Variants in PROX1 observed in about 807,000 individuals in gnomAD.
The protein encoded by PROX1 is prospero homeobox protein 1.
Under a neutral mutation model 58.8 loss-of-function variants are expected in PROX1, and 7 were observed. The ratio of observed to expected loss-of-function variants is 0.12; its 90% CI spans 0.07 to 0.22. PROX1 has a LOEUF of 0.22. PROX1 is among the 10% of genes least tolerant of loss of function. The pLI is 1.00. For synonymous variants in PROX1, 350 were observed against 358.3 expected (o/e 0.98, Z 0.26); for missense variants, 675 against 927.8 (o/e 0.73, Z 3.54).
At chr1:214,003,605 T>A (rs1663602159) in intron 2 of PROX1, among the ~76,000 whole-genome samples, 1 of 152,156 alleles carries the variant, frequency 6.6e-6, no homozygotes, top group South Asian at 2.1e-4. Context: ...AAAATCAAAA[T>A]TTCTTTCTTT....
At chr1:213,989,547 CAGGAGAGGTGAG>C (rs1000706044) in intron 1 of PROX1, among the ~76,000 whole-genome samples, 47 of 151,090 alleles carry the variant, frequency 3.1e-4, no homozygotes, top group African/African-American at 1.1e-3. Flanking sequence ...GGAGGGAGGA[CAGGAGAGGTGAG>C]AGTAATTGTT....
chr1:214,013,632 C>T lies in PROX1; in HGVS notation c.2028+1917C>T, dbSNP rs139106575. 3.4e-3 allele frequency among the ~76,000 whole-genome samples: 515 copies of T among 152,242 alleles called. 4 individuals are homozygous for T. The highest frequency in any genetic ancestry group is 0.012 in the African/African-American group (479 of 41,534). The stretch of plus-strand genomic sequence containing the variant: ...TAATCCGCTACCCACAGGCCAGGGG[C>T]CAAAATGACACAAACAGGGGATGGC... On this transcript the variant is annotated intron_variant, in intron 4 of 4. Coordinates refer to ENST00000366958, the MANE Select transcript of PROX1 (RefSeq NM_001270616.2).
intron 2 of PROX1, among the ~76,000 whole-genome samples, chr1:214,003,702 T>C (rs940115027): frequency 6.6e-6 from 1 of 152,234 alleles, no homozygotes; most frequent in Non-Finnish European, 1.5e-5. Flanking sequence ...GGTGATCTTT[T>C]TAAAATTGCA....
upstream of PROX1, chr1:213,984,712 T>G (rs1428415641): frequency 6.5e-6 from 1 of 153,692 alleles, no homozygotes; most frequent in Non-Finnish European, 1.5e-5. Flanking sequence ...TTCTTCAGGG[T>G]GCTGATAGTG....
intron 4 of PROX1, among the ~76,000 whole-genome samples, chr1:214,025,610 C>A (rs1357529171): frequency 6.6e-6 from 1 of 151,534 alleles, no homozygotes; most frequent in African/African-American, 2.4e-5. Flanking sequence ...TTCTGTGGGA[C>A]ATGAACTCTC....
At chr1:214,030,772 C>T (rs72753602) in intron 4 of PROX1, 18,140 of 152,184 alleles carry the variant, frequency 0.12, 1,338 homozygotes, top group East Asian at 0.17. Flanking sequence ...TTTGGGCCAG[C>T]GAGCACACTT....
intron 2 of PROX1, among the ~76,000 whole-genome samples, chr1:214,004,448 A>G (rs1373489446): frequency 6.6e-6 from 1 of 152,210 alleles, no homozygotes; most frequent in Non-Finnish European, 1.5e-5. Flanking sequence ...CGTCACTCTC[A>G]AAGGAGTTAA....
At chr1:213,990,285 CTG>C (rs565935400) in intron 1 of PROX1, among the ~76,000 whole-genome samples, 3 of 151,690 alleles carry the variant, frequency 2.0e-5, no homozygotes, top group East Asian at 3.9e-4. Context: ...TCCTCTGTGT[CTG>C]TGTGTGTCTG....
At chr1:214,019,876 T>A (rs1309454177) in intron 4 of PROX1, among the ~76,000 whole-genome samples, 1 of 152,200 alleles carries the variant, frequency 6.6e-6, no homozygotes, top group African/African-American at 2.4e-5. Flanking sequence ...TAGCTGATGA[T>A]CATGTATTCA....
chr1:214,006,315 A>G (rs938039782), intron 3 of PROX1, among the ~76,000 whole-genome samples: 1 of 151,826 alleles, frequency 6.6e-6, no homozygotes. Flanking sequence ...TTGCAGGCCA[A>G]CTCATTTCAG....
intron 4 of PROX1, among the ~76,000 whole-genome samples, chr1:214,021,899 C>A (rs1053377414): frequency 6.6e-6 from 1 of 152,184 alleles, no homozygotes; most frequent in African/African-American, 2.4e-5. Flanking sequence ...AGATCAAGCA[C>A]TGGGGTATTT....
At chr1:214,002,310 C>T (rs1400535007) in intron 2 of PROX1, among the ~76,000 whole-genome samples, 2 of 152,156 alleles carry the variant, frequency 1.3e-5, no homozygotes, top group South Asian at 2.1e-4. Context: ...CACTGCTTTA[C>T]GTTCAGCTGC....
intron 1 of PROX1, among the ~76,000 whole-genome samples, chr1:213,992,481 C>T (rs556300721): frequency 1.3e-5 from 2 of 152,160 alleles, no homozygotes; most frequent in African/African-American, 2.4e-5. Context: ...GATTTTTCCC[C>T]TTTGAATCAC....
intron 1 of PROX1, among the ~76,000 whole-genome samples, chr1:213,995,199 A>AG (rs1553287466): frequency 6.6e-6 from 1 of 151,850 alleles, no homozygotes; most frequent in African/African-American, 2.4e-5. Flanking sequence ...CGTGAAAAAA[A>AG]TTTTCATTTT....
At chr1:213,994,575 C>T (rs1663172618) in intron 1 of PROX1, among the ~76,000 whole-genome samples, 1 of 151,466 alleles carries the variant, frequency 6.6e-6, no homozygotes, top group Admixed American at 6.6e-5. Flanking sequence ...TAGTATTTGT[C>T]ACTGCATTTT....
At chr1:213,985,549 C>G (rs1204516256), upstream of PROX1, 1 of 152,252 alleles carries the variant, frequency 6.6e-6, no homozygotes, top group Non-Finnish European at 1.5e-5. Context: ...GGCAGAGCGT[C>G]GCGAGCCGGG....
At chr1:214,000,719 T>C (rs989440128) in intron 2 of PROX1, among the ~76,000 whole-genome samples, 3 of 152,210 alleles carry the variant, frequency 2.0e-5, no homozygotes, top group South Asian at 2.1e-4. Context: ...CAACCTTTTC[T>C]ATAGTTCCCA....
intron 1 of PROX1, among the ~76,000 whole-genome samples, chr1:213,993,060 A>T (rs998345545): frequency 7.9e-5 from 12 of 152,144 alleles, no homozygotes; most frequent in Non-Finnish European, 1.6e-4. Context: ...TTCTGGGAGG[A>T]ATCTGCTATG....
At chr1:214,023,336 T>C (rs1388118899) in intron 4 of PROX1, among the ~76,000 whole-genome samples, 1 of 151,944 alleles carries the variant, frequency 6.6e-6, no homozygotes, top group African/African-American at 2.4e-5. Context: ...GAATTGGCTA[T>C]GTTTTTTTTT....
Sources: allele counts gnomAD v4.1 joint callset (sites outside exome capture counted in the v4.1 genomes callset), GRCh38; gene constraint gnomAD v4.1.1; transcripts MANE v1.5; gene names NCBI Gene and HGNC (gene_info 2026-07-23, HGNC 2026-07-21).